Variants in SMIM45 observed in about 807,000 individuals in gnomAD.
The protein encoded by SMIM45 is long intergenic non-protein coding RNA 634.
chr22:41,957,208 T>C, the SMIM45 span, among the ~76,000 whole-genome samples: 5 of 139,250 alleles, frequency 3.6e-5, no homozygotes, highest in Non-Finnish European at 6.1e-5. Context: ...TTTTTTTTTT[T>C]CCTGAGACGG....
At chr22:41,949,186 A>G in the SMIM45 span, among the ~76,000 whole-genome samples, 2 of 151,960 alleles carry the variant, frequency 1.3e-5, no homozygotes, top group African/African-American at 4.8e-5. Context: ...CGGAGGTTGC[A>G]GTGAGCTGAG....
the SMIM45 span, among the ~76,000 whole-genome samples, chr22:41,956,898 C>G: frequency 1.3e-5 from 2 of 152,196 alleles, no homozygotes; most frequent in Non-Finnish European, 2.9e-5. Flanking sequence ...AAACGATTCT[C>G]CTGTCTCAAG....
the SMIM45 span, chr22:41,952,023 G>A: frequency 6.6e-6 from 1 of 152,510 alleles, no homozygotes; most frequent in Admixed American, 6.5e-5. Flanking sequence ...CACAGTACCA[G>A]GGATCCAGAA....
chr22:41,958,348 T>C, the SMIM45 span: 1 of 456,604 alleles, frequency 2.2e-6, no homozygotes, highest in Admixed American at 2.3e-5. Flanking sequence ...GGAAAGAACC[T>C]AAGAACCTCG....
chr22:41,950,991 C>A, the SMIM45 span, among the ~76,000 whole-genome samples: 26 of 152,066 alleles, frequency 1.7e-4, no homozygotes, highest in Admixed American at 1.4e-3. Context: ...GACTCCGTCT[C>A]AAAAAAAACA....
At chr22:41,953,268 G>C in the SMIM45 span, among the ~76,000 whole-genome samples, 1 of 152,096 alleles carries the variant, frequency 6.6e-6, no homozygotes, top group Non-Finnish European at 1.5e-5. Context: ...TGGGAGTAGA[G>C]AGACAAGAGG....
At chr22:41,955,534 C>T in the SMIM45 span, among the ~76,000 whole-genome samples, 3,218 of 149,508 alleles carry the variant, frequency 0.022, 51 homozygotes, top group Non-Finnish European at 0.034. Context: ...AGGCTGCATG[C>T]GGTGGCTCAC....
At chr22:41,947,881 T>G in the SMIM45 span, among the ~76,000 whole-genome samples, 1 of 152,260 alleles carries the variant, frequency 6.6e-6, no homozygotes, top group Non-Finnish European at 1.5e-5. Flanking sequence ...GCAGCCCTCC[T>G]GCTTCAGCCT....
At chr22:41,958,444 G>A in the SMIM45 span, 6 of 453,864 alleles carry the variant, frequency 1.3e-5, no homozygotes, top group Non-Finnish European at 2.7e-5. Flanking sequence ...GTGGGGGTAT[G>A]CAGAGGGATA....
At chr22:41,958,570 G>A in the SMIM45 span, 1 of 351,156 alleles carries the variant, frequency 2.8e-6, no homozygotes, top group Non-Finnish European at 5.7e-6. Context: ...GAGTGTGGGG[G>A]CCCCAGGCAG....
the SMIM45 span, among the ~76,000 whole-genome samples, chr22:41,948,010 T>C: frequency 6.6e-6 from 1 of 152,146 alleles, no homozygotes; most frequent in Admixed American, 6.5e-5. Context: ...TCTTTCAAGG[T>C]TCCTTGCTGC....
At chr22:41,950,038 C>CAG in the SMIM45 span, among the ~76,000 whole-genome samples, 46,932 of 150,448 alleles carry the variant, frequency 0.31, 13,050 homozygotes, top group African/African-American at 0.74. Flanking sequence ...CTGTGAGAGA[C>CAG]GGGGGATTCC....
the SMIM45 span, chr22:41,958,385 A>C: frequency 0.39 from 180,147 of 456,138 alleles, 41,388 homozygotes; most frequent in African/African-American, 0.78. Context: ...CTTGGGCCAG[A>C]CCAGCCGCAC....
the SMIM45 span, among the ~76,000 whole-genome samples, chr22:41,949,668 G>A: frequency 6.6e-6 from 1 of 152,208 alleles, no homozygotes; most frequent in African/African-American, 2.4e-5. Flanking sequence ...CTGCCCTGGG[G>A]ACCCTGGTCC....
the SMIM45 span, chr22:41,947,162 G>T: frequency 7.5e-7 from 1 of 1,333,902 alleles, no homozygotes; most frequent in African/African-American, 1.5e-5. Context: ...CGCGGCCTGG[G>T]GGCACGTGCC....
chr22:41,948,531 C>T, the SMIM45 span, among the ~76,000 whole-genome samples: 1 of 152,134 alleles, frequency 6.6e-6, no homozygotes, highest in Non-Finnish European at 1.5e-5. Flanking sequence ...CCCATAGAGC[C>T]ACTGCCCTCA....
At chr22:41,951,858 T>A in the SMIM45 span, among the ~76,000 whole-genome samples, 11 of 152,296 alleles carry the variant, frequency 7.2e-5, no homozygotes, top group African/African-American at 2.6e-4. Flanking sequence ...AGCATCTCCC[T>A]GCTCCCCAAA....
chr22:41,956,155 A>G, the SMIM45 span, among the ~76,000 whole-genome samples: 1 of 151,852 alleles, frequency 6.6e-6, no homozygotes, highest in African/African-American at 2.4e-5. Flanking sequence ...GATTACAGGT[A>G]TGTGCCACCA....
the SMIM45 span, among the ~76,000 whole-genome samples, chr22:41,949,826 C>G: frequency 6.6e-6 from 1 of 152,142 alleles, no homozygotes. Flanking sequence ...TCCACTTCAC[C>G]GGGGCGGTGA....
Sources: allele counts gnomAD v4.1 joint callset (sites outside exome capture counted in the v4.1 genomes callset), GRCh38; gene constraint gnomAD v4.1.1; transcripts MANE v1.5; gene names NCBI Gene and HGNC (gene_info 2026-07-23, HGNC 2026-07-21).